Variants in SLC44A5 observed in about 807,000 individuals in gnomAD.
SLC44A5 encodes the protein solute carrier family 44 member 5.
A neutral mutation model predicts 101.8 loss-of-function variants in SLC44A5; 57 were observed. That is an observed-to-expected ratio of 0.56 (90% CI 0.45 to 0.70). The LOEUF (loss-of-function observed/expected upper bound fraction) is 0.70, where lower values mean the gene tolerates loss of function less well. Ranked by LOEUF, SLC44A5 falls within the 30% of genes least tolerant of loss-of-function variation. The pLI, the probability that SLC44A5 is intolerant of heterozygous loss-of-function variation, is 0.00. For synonymous variants in SLC44A5, 281 were observed against 290.9 expected, an observed-to-expected ratio of 0.97 and a Z score of 0.35; for missense variants, 737 against 853.1, an observed-to-expected ratio of 0.86 and a Z score of 1.70.
chr1:75,251,146 C>G, intron 7 of SLC44A5, 64 bp downstream of exon 7: 1 of 1,312,982 alleles, frequency 7.6e-7, no homozygotes, highest in East Asian at 2.3e-5. Flanking sequence ...TGGAATTTCT[C>G]AATTCTTTTA....
chr1:75,488,324 A>G (rs1031648356), intron 2 of SLC44A5, among the ~76,000 whole-genome samples: 1 of 152,180 alleles, frequency 6.6e-6, no homozygotes, highest in African/African-American at 2.4e-5. Context: ...GGTATAGCCC[A>G]TTGCTTCTAG....
In SLC44A5 at chr1:75,332,515, T is replaced by C. The variant is rs114361709; in HGVS notation, c.101+7067A>G. The stretch of plus-strand genomic sequence containing the variant: ...ACACAAAAGAGTATACTAAACAAAT[T>C]GGTAGGTGTCACAATACTGAAAATA... On this transcript the variant is annotated intron_variant, in intron 4 of 23. Transcript: ENST00000370859. 8.7e-3 allele frequency among the ~76,000 whole-genome samples: 1,330 copies of C among 152,258 alleles called. 17 individuals carry two copies. The highest frequency in any genetic ancestry group is 0.031 in the African/African-American group (1,268 of 41,546).
intron 12 of SLC44A5, among the ~76,000 whole-genome samples, chr1:75,230,172 C>A (rs1647417023): frequency 6.6e-6 from 1 of 151,954 alleles, no homozygotes; most frequent in African/African-American, 2.4e-5. Flanking sequence ...TCATGTATGC[C>A]TGGACGTTTT....
the SLC44A5 span, chr1:75,710,455 T>G: frequency 6.7e-6 from 1 of 149,188 alleles, no homozygotes; most frequent in Non-Finnish European, 1.5e-5. Flanking sequence ...TCCCAGCTAC[T>G]TGGGAGGCTG....
intron 2 of SLC44A5, among the ~76,000 whole-genome samples, chr1:75,521,048 C>T (rs921454017): frequency 3.9e-5 from 6 of 152,066 alleles, no homozygotes; most frequent in African/African-American, 1.4e-4. Context: ...AACTCGTTAA[C>T]AGAAAAGCTC....
chr1:75,664,920 CA>C, the SLC44A5 span, among the ~76,000 whole-genome samples: 4 of 67,482 alleles, frequency 5.9e-5, no homozygotes, highest in African/African-American at 2.8e-4. Flanking sequence ...GATTCCGTCT[CA>C]AAAAAAAGAA....
At chr1:75,593,403 C>T (rs1421448023) in intron 1 of SLC44A5, among the ~76,000 whole-genome samples, 3 of 152,060 alleles carry the variant, frequency 2.0e-5, no homozygotes. Context: ...TAAATTAGTA[C>T]AACCACAAAG....
the SLC44A5 span, among the ~76,000 whole-genome samples, chr1:75,662,193 T>C: frequency 6.6e-6 from 1 of 152,060 alleles, no homozygotes; most frequent in Non-Finnish European, 1.5e-5. Context: ...AATCCTGTCA[T>C]TTGCAGCAAC....
Position 75,441,988 on chromosome 1 carries a change from TTC to T in SLC44A5, c.14-45369_14-45368del, listed in dbSNP as rs144179936. On this transcript the variant is annotated intron_variant, in intron 2 of 23. Transcript: ENST00000370859. ...TATACCTAAAATGGGTGAACACATA[TTC>T]TTCTTTTATAAGAATGATCATTTAA... 3.4e-3 allele frequency among the ~76,000 whole-genome samples: 513 copies of T among 152,254 alleles called. 2 individuals carry two copies. The highest frequency in any genetic ancestry group is 0.011 in the African/African-American group (474 of 41,562).
intron 2 of SLC44A5, among the ~76,000 whole-genome samples, chr1:75,471,905 T>C (rs1457117928): frequency 6.6e-6 from 1 of 151,870 alleles, no homozygotes; most frequent in Non-Finnish European, 1.5e-5. Context: ...ATATTTATAA[T>C]GCCACTTCCT....
chr1:75,380,915 A>G (rs1389332586), intron 3 of SLC44A5, among the ~76,000 whole-genome samples: 1 of 82,676 alleles, frequency 1.2e-5, no homozygotes, highest in Non-Finnish European at 2.1e-5. Flanking sequence ...GGGTATCGTT[A>G]TCCTCCTATT....
At chr1:75,278,453 C>T (rs1652113813) in intron 5 of SLC44A5, among the ~76,000 whole-genome samples, 1 of 152,008 alleles carries the variant, frequency 6.6e-6, no homozygotes, top group Admixed American at 6.6e-5. Flanking sequence ...GCACATCATA[C>T]CCAACACATC....
chr1:75,645,928 G>T, the SLC44A5 span, among the ~76,000 whole-genome samples: 2 of 135,118 alleles, frequency 1.5e-5, no homozygotes, highest in Admixed American at 1.5e-4. Context: ...GTTTCTCAAA[G>T]ATCAGATAGT....
At chr1:75,382,464 G>A (rs1327042671) in intron 3 of SLC44A5, among the ~76,000 whole-genome samples, 4 of 77,514 alleles carry the variant, frequency 5.2e-5, no homozygotes, top group Admixed American at 1.3e-4. Context: ...TGACGATGGC[G>A]GTTTTGTCGA....
At chr1:75,322,261 G>A (rs550964973) in intron 4 of SLC44A5, among the ~76,000 whole-genome samples, 1 of 152,280 alleles carries the variant, frequency 6.6e-6, no homozygotes, top group East Asian at 1.9e-4. Context: ...GCAGTGAGCT[G>A]AGATTGTGCC....
intron 2 of SLC44A5, among the ~76,000 whole-genome samples, chr1:75,499,868 C>T (rs1293881234): frequency 6.6e-6 from 1 of 152,198 alleles, no homozygotes; most frequent in Non-Finnish European, 1.5e-5. Context: ...AGCTCTACTG[C>T]ACTTTCTAGC....
chr1:75,616,023 G>T, upstream of SLC44A5: 1 of 404,714 alleles, frequency 2.5e-6, no homozygotes, highest in Non-Finnish European at 3.3e-6. Context: ...CAGCAGCGGC[G>T]GCCGGGCTGC....
chr1:75,484,332 T>C (rs908015141), intron 2 of SLC44A5, among the ~76,000 whole-genome samples: 2 of 152,132 alleles, frequency 1.3e-5, no homozygotes, highest in Non-Finnish European at 2.9e-5. Context: ...ATGGGAGAAA[T>C]TGGCCAAAAC....
In SLC44A5 at chr1:75,336,804, T is replaced by C. The variant is rs143689792; in HGVS notation, c.101+2778A>G. On this transcript the variant is annotated intron_variant, in intron 4 of 23. Coordinates refer to ENST00000370859, the MANE Select transcript of SLC44A5 (RefSeq NM_001130058.2). ...ATACTTGGATCCACACCATATGCAG[T>C]GTCATGCCCCCTGTAGACATGTTAT... Among the ~76,000 whole-genome samples the C allele has an allele frequency of 2.6e-5, 4 of 152,284 alleles. No homozygotes were observed. In the East Asian group the frequency reaches 7.7e-4, roughly 29 times the overall value.
Sources: gnomAD v4.1 joint callset for allele counts (sites outside exome capture counted in the v4.1 genomes callset) on GRCh38, gnomAD v4.1.1 for gene constraint, MANE v1.5 for transcripts, NCBI Gene and HGNC (gene_info 2026-07-23, HGNC 2026-07-21) for gene names.